The following NAALADL2 variants were observed in gnomAD, a reference collection of about 807,000 sequenced individuals.
NAALADL2 encodes N-acetylated alpha-linked acidic dipeptidase like 2.
NAALADL2 carries 76 observed loss-of-function variants against 87.2 expected under a neutral mutation model. The ratio of observed to expected loss-of-function variants is 0.87; its 90% CI spans 0.72 to 1.05. NAALADL2 has a LOEUF of 1.05. Among genes scored for constraint, NAALADL2 ranks in the 50% least tolerant of loss-of-function variants. The pLI is 0.00. For synonymous variants in NAALADL2, 354 were observed against 331.0 expected (o/e 1.07, Z -0.75); for missense variants, 1,089 against 945.8 (o/e 1.15, Z -1.99).
chr3:175,533,471 TCTC>T (rs1387257237), intron 9 of NAALADL2, among the ~76,000 whole-genome samples: 4 of 152,004 alleles, frequency 2.6e-5, no homozygotes, highest in African/African-American at 7.2e-5. Context: ...CAGAGTTTGA[TCTC>T]CTCAGAAAGG....
intron 1 of NAALADL2, among the ~76,000 whole-genome samples, chr3:175,036,824 T>TTTA (rs1195908035): frequency 5.4e-5 from 8 of 148,126 alleles, no homozygotes; most frequent in African/African-American, 2.0e-4. Flanking sequence ...TTTTTTTTTT[T>TTTA]AGCGTTCCTA....
intron 13 of NAALADL2, among the ~76,000 whole-genome samples, chr3:175,789,341 ACT>A (rs1216900679): frequency 6.6e-6 from 1 of 151,990 alleles, no homozygotes; most frequent in Non-Finnish European, 1.5e-5. Context: ...TAAAATGTAG[ACT>A]CTTTTGTATA....
At chr3:175,171,813 C>A (rs1734875868) in intron 2 of NAALADL2, among the ~76,000 whole-genome samples, 1 of 152,000 alleles carries the variant, frequency 6.6e-6, no homozygotes, top group Admixed American at 6.6e-5. Context: ...CTTAGAAAGA[C>A]AAATTTCCCA....
chr3:174,946,546 C>T (rs1266209847), intron 1 of NAALADL2, among the ~76,000 whole-genome samples: 1 of 152,086 alleles, frequency 6.6e-6, no homozygotes, highest in Admixed American at 6.6e-5. Flanking sequence ...TAGAACAGTG[C>T]ATGTTATAGT....
intron 2 of NAALADL2, among the ~76,000 whole-genome samples, chr3:174,595,003 ATGTCT>A (rs1221560905): frequency 6.6e-6 from 1 of 152,150 alleles, no homozygotes; most frequent in Non-Finnish European, 1.5e-5. Context: ...TTACTTGATC[ATGTCT>A]TAGTACTTTC....
intron 1 of NAALADL2, among the ~76,000 whole-genome samples, chr3:174,935,110 C>T (rs374735420): frequency 6.6e-6 from 1 of 151,990 alleles, no homozygotes. Context: ...ATTCAAAGAA[C>T]ATTCTGTAAA....
chr3:175,139,246 T>C (rs895873218), intron 2 of NAALADL2, among the ~76,000 whole-genome samples: 3 of 151,964 alleles, frequency 2.0e-5, no homozygotes, highest in Non-Finnish European at 4.4e-5. Context: ...TCTCTTTCCC[T>C]TTTAAATACA....
At chr3:175,717,587 G>T (rs1387531693) in intron 11 of NAALADL2, among the ~76,000 whole-genome samples, 2 of 151,388 alleles carry the variant, frequency 1.3e-5, no homozygotes, top group Non-Finnish European at 2.9e-5. Context: ...AGCTACTTGG[G>T]GTGTTTAGGG....
At chr3:174,507,792 ATG>A (rs1719295477) in intron 1 of NAALADL2, among the ~76,000 whole-genome samples, 1 of 152,076 alleles carries the variant, frequency 6.6e-6, no homozygotes, top group African/African-American at 2.4e-5. Flanking sequence ...TTATCCACAT[ATG>A]AACATTTAGG....
intron 4 of NAALADL2, among the ~76,000 whole-genome samples, chr3:175,278,843 T>C (rs1291531634): frequency 1.3e-5 from 2 of 152,186 alleles, no homozygotes; most frequent in Non-Finnish European, 2.9e-5. Context: ...GCATGCTTTT[T>C]CTTATTCCAA....
chr3:175,371,803 A>C (rs889786302), intron 5 of NAALADL2, among the ~76,000 whole-genome samples: 2 of 150,286 alleles, frequency 1.3e-5, no homozygotes, highest in Middle Eastern at 3.2e-3. Flanking sequence ...CAGCCTGGAC[A>C]ACTCCATCTA....
chr3:175,650,207 A>C (rs991480295), intron 11 of NAALADL2, among the ~76,000 whole-genome samples: 9 of 152,200 alleles, frequency 5.9e-5, no homozygotes, highest in Admixed American at 4.6e-4. Flanking sequence ...AAGTAAAAGA[A>C]ACCAGATGCA....
At chr3:175,590,136 C>T (rs1193460311) in intron 10 of NAALADL2, among the ~76,000 whole-genome samples, 3 of 151,676 alleles carry the variant, frequency 2.0e-5, no homozygotes, top group Non-Finnish European at 4.4e-5. Flanking sequence ...GGTGTGAACC[C>T]GGGAGGTGGA....
At chr3:174,930,840 T>G (rs1736785614) in intron 1 of NAALADL2, among the ~76,000 whole-genome samples, 1 of 151,792 alleles carries the variant, frequency 6.6e-6, no homozygotes, top group Non-Finnish European at 1.5e-5. Flanking sequence ...GCCGGGATGG[T>G]CTCCTTCTTC....
At chr3:175,621,282 G>C (rs919056565) in intron 10 of NAALADL2, among the ~76,000 whole-genome samples, 11 of 152,168 alleles carry the variant, frequency 7.2e-5, no homozygotes, top group Non-Finnish European at 2.9e-5. Context: ...GGGAGAGAAA[G>C]TTAATTTTCC....
chr3:174,726,367 G>A (rs1458599753), intron 2 of NAALADL2, among the ~76,000 whole-genome samples: 7 of 151,962 alleles, frequency 4.6e-5, no homozygotes, highest in Admixed American at 2.6e-4. Flanking sequence ...AACTACCAGC[G>A]GTTATGTTAC....
At chr3:174,720,516 A>T (rs1731611863) in intron 2 of NAALADL2, among the ~76,000 whole-genome samples, 1 of 152,164 alleles carries the variant, frequency 6.6e-6, no homozygotes, top group Non-Finnish European at 1.5e-5. Flanking sequence ...AATTTAGACA[A>T]CTGTTAGTAT....
intron 10 of NAALADL2, among the ~76,000 whole-genome samples, chr3:175,585,640 C>T (rs1253029904): frequency 6.6e-6 from 1 of 151,582 alleles, no homozygotes; most frequent in Non-Finnish European, 1.5e-5. Context: ...GTTTACATTT[C>T]CAAAAAATAT....
intron 2 of NAALADL2, among the ~76,000 whole-genome samples, chr3:174,652,344 A>ACACCAAC (rs376491740): frequency 0.015 from 2,310 of 152,274 alleles, 63 homozygotes; most frequent in African/African-American, 0.053. Context: ...GACACTGAAA[A>ACACCAAC]CACCAACCAT....
Sources: gnomAD v4.1 joint callset for allele counts (sites outside exome capture counted in the v4.1 genomes callset) on GRCh38, gnomAD v4.1.1 for gene constraint, MANE v1.5 for transcripts, NCBI Gene and HGNC (gene_info 2026-07-23, HGNC 2026-07-21) for gene names.